TRMT6: variants seen among roughly 807,000 people sequenced by gnomAD.
The protein encoded by TRMT6 is tRNA (adenine(58)-N(1))-methyltransferase non-catalytic subunit TRM6.
A neutral mutation model predicts 59.0 loss-of-function variants in TRMT6; 34 were observed. The ratio of observed to expected loss-of-function variants is 0.58; its 90% CI spans 0.44 to 0.77. TRMT6 has a LOEUF of 0.77. TRMT6 is among the 30% of genes least tolerant of loss of function. The probability of loss-of-function intolerance (pLI) is 0.00; values close to 1 mark genes in which losing one functional copy is unlikely to be tolerated. For synonymous variants in TRMT6, 217 were observed against 210.5 expected, an observed-to-expected ratio of 1.03 and a Z score of -0.27; for missense variants, 575 against 604.5, an observed-to-expected ratio of 0.95 and a Z score of 0.51.
intron 10 of TRMT6, among the ~76,000 whole-genome samples, chr20:5,939,170 TTTAA>T (rs2088634856): frequency 6.6e-6 from 1 of 151,932 alleles, no homozygotes; most frequent in African/African-American, 2.4e-5. Flanking sequence ...TAGAAATTGG[TTTAA>T]TTGATTTTCT....
At position 5,950,360 on chromosome 20, in the gene TRMT6, C is replaced by G; in HGVS notation, c.46G>C (p.Gly16Arg). The change falls in exon 1 of 11, where the codon GGA (glycine) becomes CGA (arginine). Residue 16 changes from glycine to arginine, a missense_variant. Coordinates refer to ENST00000203001, the MANE Select transcript of TRMT6 (RefSeq NM_015939.5). The part of the protein sequence containing the change: ...EQPGPQPQHP[G>R]DHRIRDGDFV... ...TCGCCGTCGCGGATGCGGTGGTCTC[C>G]GGGATGCTGTGGTTGTGGGCCCGGC... The G allele has an allele frequency of 6.2e-7, 1 of 1,611,130 alleles. No homozygotes were observed. The highest frequency in any genetic ancestry group is 8.5e-7 in the Non-Finnish European group (1 of 1,179,918).
rs756442254 is a variant in TRMT6 at position 5,944,143 on chromosome 20, TAAAATAA to T, written c.458+12_458+18del. 2 of 1,423,880 alleles carry T rather than the reference TAAAATAA, an allele frequency of 1.4e-6. No homozygotes were observed. The highest frequency in any genetic ancestry group is 1.9e-6 in the Non-Finnish European group (2 of 1,053,682). The allele number at this position is 1,423,880 out of a possible 1,614,324, so 88.2% of individuals were successfully genotyped here. A position where few individuals can be genotyped will look rare whatever the true frequency, so the allele number is the denominator to read the frequency against. On this transcript the variant is annotated intron_variant, in intron 4 of 10. Transcript: ENST00000203001. ...AAGAAGTTTAATATTGTGGGCCTTT[TAAAATAA>T]AAACTACTTACTTTTTTTTCTTCTT...
chr20:5,937,735 T>C lies in TRMT6; in HGVS notation c.*800A>G, dbSNP rs2088619778. 1 of 152,200 alleles carries C rather than the reference T, an allele frequency of 6.6e-6. No individual in the cohort carries two copies. Among genetic ancestry groups the C allele is most frequent in the Admixed American group, 6.5e-5 (1 of 15,284 alleles). The allele number at this position is 152,200 out of a possible 1,614,324, so 9.4% of individuals were successfully genotyped here. A position where few individuals can be genotyped will look rare whatever the true frequency, so the allele number is the denominator to read the frequency against. On this transcript the variant is annotated 3_prime_UTR_variant, in exon 11 of 11. Transcript: ENST00000203001. ...CTATGTCTCCACTTGCATGTGTATG[T>C]ATATATCTGTGTATATATAAATATA...
In TRMT6 at chr20:5,942,251, G is replaced by A; in HGVS notation, c.1026+177C>T. ...CTATGCAACGCTTCTGTATCCTAAA[G>A]CTCCATCCCGAAGACCGAATCACAC... On this transcript the variant is annotated intron_variant, in intron 7 of 10. Transcript: ENST00000203001. 4 of 743,076 alleles carry A rather than the reference G, an allele frequency of 5.4e-6. No individual in the cohort carries two copies. In the South Asian group the frequency reaches 6.8e-5, roughly 13 times the overall value. 46.0% of individuals were successfully genotyped at this position (743,076 alleles called of 1,614,324 possible). A position where few individuals can be genotyped will look rare whatever the true frequency, so the allele number is the denominator to read the frequency against.
chr20:5,947,866 C>CG (rs752410389), intron 1 of TRMT6, among the ~76,000 whole-genome samples: 4 of 151,874 alleles, frequency 2.6e-5, no homozygotes, highest in African/African-American at 7.3e-5. Flanking sequence ...GCCTGGCTGA[C>CG]GGGGAAAAAC....
rs776179900 is a variant in TRMT6, at chr20:5,942,830, T to C, written c.668-44A>G. ...CAAACATCTGCCCGTGGAGTGACTC[T>C]AGACTACGTAAACCCTCAGTGAGTC... On this transcript the variant is annotated intron_variant, in intron 6 of 10. Coordinates refer to ENST00000203001, the MANE Select transcript of TRMT6 (RefSeq NM_015939.5). 4 of 1,482,910 alleles carry C rather than the reference T, an allele frequency of 2.7e-6. No individual in the cohort carries two copies. In the African/African-American group the frequency reaches 4.2e-5, roughly 16 times the overall value. 91.9% of individuals were successfully genotyped at this position (1,482,910 alleles called of 1,614,324 possible). A position where few individuals can be genotyped will look rare whatever the true frequency, so the allele number is the denominator to read the frequency against.
chr20:5,950,127 G>T, intron 1 of TRMT6, 151 bp downstream of exon 1: 1 of 774,294 alleles, frequency 1.3e-6, no homozygotes. Context: ...TTCTGTGACA[G>T]AAAGACCCGA....
chr20:5,937,731 T>G lies in TRMT6; in HGVS notation c.*804A>C, dbSNP rs2088619729. ...CAATCTATGTCTCCACTTGCATGTG[T>G]ATGTATATATCTGTGTATATATAAA... On this transcript the variant is annotated 3_prime_UTR_variant, in exon 11 of 11. Transcript: ENST00000203001. 6.6e-6 allele frequency: 1 copy of G among 152,238 alleles called. No individual in the cohort carries two copies. The highest frequency in any genetic ancestry group is 2.4e-5 in the African/African-American group (1 of 41,456). 9.4% of individuals were successfully genotyped at this position (152,238 alleles called of 1,614,324 possible). A position where few individuals can be genotyped will look rare whatever the true frequency, so the allele number is the denominator to read the frequency against.
rs754385310 is a variant in TRMT6 at position 5,944,167 on chromosome 20, T to C, written c.453A>G (p.Lys151=). Reference sequence around the variant, plus strand: ...TTAAAATAAAAACTACTTACTTTTTTTTCTTCTTTTTAATATATTTATCTT... The same window carrying C: ...TTAAAATAAAAACTACTTACTTTTTCTTCTTCTTTTTAATATATTTATCTT... The part of the protein sequence containing the change: ...FAQDKYIKKK[K]KKYEAIITVV... The change falls in exon 4 of 11, where the codon AAA becomes AAG. Residue 151 remains lysine (K), a synonymous_variant. Coordinates refer to ENST00000203001, the MANE Select transcript of TRMT6 (RefSeq NM_015939.5). 18 of 1,500,238 alleles carry C rather than the reference T, an allele frequency of 1.2e-5. No individual in the cohort carries two copies. Among genetic ancestry groups the C allele is most frequent in the African/African-American group, 2.8e-5 (2 of 70,620 alleles). 92.9% of individuals were successfully genotyped at this position (1,500,238 alleles called of 1,614,324 possible). A position where few individuals can be genotyped will look rare whatever the true frequency, so the allele number is the denominator to read the frequency against.
chr20:5,944,168 T>C lies in TRMT6; in HGVS notation c.452A>G (p.Lys151Arg). 1 of 1,502,082 alleles carries C rather than the reference T, an allele frequency of 6.7e-7. No homozygotes were observed. Among genetic ancestry groups the C allele is most frequent in the Non-Finnish European group, 9.0e-7 (1 of 1,113,808 alleles). The allele number at this position is 1,502,082 out of a possible 1,614,324, so 93.0% of individuals were successfully genotyped here. A position where few individuals can be genotyped will look rare whatever the true frequency, so the allele number is the denominator to read the frequency against. ...FAQDKYIKKK[K>R]KKYEAIITVV... ...TAAAATAAAAACTACTTACTTTTTT[T>C]TCTTCTTTTTAATATATTTATCTTG... is the stretch of plus-strand genomic sequence containing the variant. Residue 151 changes from lysine to arginine, a missense_variant, in exon 4 of 11, where the codon AAA becomes AGA. Lys to Arg is a conservative substitution (Grantham distance 26). Transcript: ENST00000203001.
chr20:5,943,903 G>C, intron 5 of TRMT6, 45 bp downstream of exon 5: 1 of 1,585,976 alleles, frequency 6.3e-7, no homozygotes, highest in Non-Finnish European at 8.5e-7. Context: ...CTTTCTTAAA[G>C]ACATATTTCC....
intron 8 of TRMT6, chr20:5,941,548 T>C: frequency 1.7e-6 from 1 of 581,742 alleles, no homozygotes; most frequent in South Asian, 2.2e-5. Context: ...TAGAAGCTCT[T>C]GTGGTACTTG....
At chr20:5,941,660 G>T (rs1241671478) in intron 8 of TRMT6, 2 of 547,488 alleles carry the variant, frequency 3.7e-6, no homozygotes, top group Non-Finnish European at 6.5e-6. Flanking sequence ...ATCTGTTATA[G>T]CCTGTATCGC....
intron 1 of TRMT6, among the ~76,000 whole-genome samples, chr20:5,948,944 T>A (rs755140566): frequency 6.6e-6 from 1 of 152,218 alleles, no homozygotes; most frequent in Non-Finnish European, 1.5e-5. Context: ...AGAATTCATC[T>A]GAAGTAAGTA....
Position 5,942,485 on chromosome 20 carries a change from T to C in TRMT6, c.969A>G (p.Thr323=), listed in dbSNP as rs927720699. ...NHPEDQETME[T]ISQDPEHKGP... ...CCTTATGTTCTGGATCTTGAGAAATTGTTTCCATTGTTTCCTGGTCTTCTG... is the reference window on the plus strand; with the variant it reads ...CCTTATGTTCTGGATCTTGAGAAATCGTTTCCATTGTTTCCTGGTCTTCTG... Residue 323 remains threonine (T), a synonymous_variant, in exon 7 of 11, where the codon ACA becomes ACG. Coordinates refer to ENST00000203001, the MANE Select transcript of TRMT6 (RefSeq NM_015939.5). 1.9e-6 allele frequency: 3 copies of C among 1,613,984 alleles called. No individual in the cohort carries two copies. The highest frequency in any genetic ancestry group is 2.7e-5 in the African/African-American group (2 of 74,896).
chr20:5,942,840 A>C, intron 6 of TRMT6, 54 bp from the exon 7 acceptor site: 1 of 1,390,798 alleles, frequency 7.2e-7, no homozygotes, highest in Non-Finnish European at 1.0e-6. Context: ...TAGACTACGT[A>C]AACCCTCAGT....
chr20:5,948,893 C>T (rs2088735586), intron 1 of TRMT6, among the ~76,000 whole-genome samples: 1 of 152,110 alleles, frequency 6.6e-6, no homozygotes, highest in Admixed American at 6.5e-5. Context: ...GCTTGCTTCA[C>T]CTTAAATACC....
At chr20:5,945,616 C>T (rs1005474111) in intron 2 of TRMT6, among the ~76,000 whole-genome samples, 34 of 152,158 alleles carry the variant, frequency 2.2e-4, no homozygotes, top group African/African-American at 7.0e-4. Flanking sequence ...ATAATTGCAG[C>T]GCCAAATTAT....
At position 5,950,491 on chromosome 20, in the gene TRMT6, G is replaced by A. The variant is rs2088783298; in HGVS notation, c.-86C>T. ...CGCCAGCCTCACTTCCCACAACCTG[G>A]CGCACTAGGAGCCCTCCGACCGGCA... On this transcript the variant is annotated 5_prime_UTR_variant, in exon 1 of 11. Transcript: ENST00000203001. 2.1e-6 allele frequency: 3 copies of A among 1,444,042 alleles called. No individual in the cohort carries two copies. The highest frequency in any genetic ancestry group is 2.8e-6 in the Non-Finnish European group (3 of 1,089,504). The allele number at this position is 1,444,042 out of a possible 1,614,324, so 89.5% of individuals were successfully genotyped here. A position where few individuals can be genotyped will look rare whatever the true frequency, so the allele number is the denominator to read the frequency against.
Sources: allele counts gnomAD v4.1 joint callset (sites outside exome capture counted in the v4.1 genomes callset), GRCh38; gene constraint gnomAD v4.1.1; transcripts MANE v1.5; gene names NCBI Gene and HGNC (gene_info 2026-07-23, HGNC 2026-07-21).